Variants in CNTNAP3 observed in about 807,000 individuals in gnomAD.
The protein encoded by CNTNAP3 is contactin-associated protein-like 3.
A neutral mutation model predicts 92.1 loss-of-function variants in CNTNAP3; 36 were observed. The ratio of observed to expected loss-of-function variants is 0.39; its 90% CI spans 0.30 to 0.52. The LOEUF is 0.52. CNTNAP3 is among the 20% of genes least tolerant of loss of function. The probability of loss-of-function intolerance (pLI) is 0.76; values close to 1 mark genes in which losing one functional copy is unlikely to be tolerated. For synonymous variants in CNTNAP3, 232 were observed against 422.3 expected (o/e 0.55, Z 5.53); for missense variants, 534 against 1,069.6 (o/e 0.50, Z 6.98).
At chr9:39,089,029 A>C (rs1209973326) in intron 18 of CNTNAP3, among the ~76,000 whole-genome samples, 1 of 152,220 alleles carries the variant, frequency 6.6e-6, no homozygotes, top group African/African-American at 2.4e-5. Flanking sequence ...TTATTCAGAT[A>C]TAATCCATAT....
rs1243725170 is a variant in CNTNAP3 at position 39,065,524 on chromosome 9, C to T, written c.*8366G>A. ...TGTTGGGTCATAGGTTTCATGTATGCTTAATTATATAAAACAATGTTAAAC... is the reference window on the plus strand; with the variant it reads ...TGTTGGGTCATAGGTTTCATGTATGTTTAATTATATAAAACAATGTTAAAC... On this transcript the variant is annotated 3_prime_UTR_variant, in exon 24 of 24. Coordinates refer to ENST00000297668, the MANE Select transcript of CNTNAP3 (RefSeq NM_033655.5). Among the ~76,000 whole-genome samples, 1 of 151,260 alleles carries T rather than the reference C, an allele frequency of 6.6e-6. No individual in the cohort carries two copies. Among genetic ancestry groups the T allele is most frequent in the African/African-American group, 2.4e-5 (1 of 41,002 alleles).
In CNTNAP3 at chr9:39,071,218, A is replaced by G. The variant is rs1219536219; in HGVS notation, c.*2672T>C. On this transcript the variant is annotated 3_prime_UTR_variant, in exon 24 of 24. Coordinates refer to ENST00000297668, the MANE Select transcript of CNTNAP3 (RefSeq NM_033655.5). ...TGTTAAATTTACTGTGACTTTTCACAGTAATAGAGACAGAGTAATAGAGAC... is the reference window on the plus strand; with the variant it reads ...TGTTAAATTTACTGTGACTTTTCACGGTAATAGAGACAGAGTAATAGAGAC... Among the ~76,000 whole-genome samples, 31 of 127,952 alleles carry G rather than the reference A, an allele frequency of 2.4e-4. No individual in the cohort carries two copies. The highest frequency in any genetic ancestry group is 1.3e-3 in the African/African-American group (30 of 22,484). 83.9% of individuals were successfully genotyped at this position (127,952 alleles called of 152,430 possible). A position where few individuals can be genotyped will look rare whatever the true frequency, so the allele number is the denominator to read the frequency against.
chr9:39,068,671 T>A lies in CNTNAP3; in HGVS notation c.*5219A>T, dbSNP rs1013349155. 2.0e-5 allele frequency among the ~76,000 whole-genome samples: 3 copies of A among 152,148 alleles called. No homozygotes were observed. The highest frequency in any genetic ancestry group is 2.9e-5 in the Non-Finnish European group (2 of 67,980). ...CAGCTCTTTCCTCGCCGGTACTCTA[T>A]CCTGCAATCTCTAGCCACCTTCGTG... On this transcript the variant is annotated 3_prime_UTR_variant, in exon 24 of 24. Coordinates refer to ENST00000297668, the MANE Select transcript of CNTNAP3 (RefSeq NM_033655.5).
chr9:39,143,304 C>T (rs891579062), intron 11 of CNTNAP3, among the ~76,000 whole-genome samples: 5 of 151,994 alleles, frequency 3.3e-5, no homozygotes, highest in Non-Finnish European at 7.4e-5. Context: ...AGGTTGGTTA[C>T]AAGAGACTCG....
In CNTNAP3 at chr9:39,149,989, G is replaced by A. The variant is rs777361811; in HGVS notation, c.1478-12C>T. 5.0e-6 allele frequency: 8 copies of A among 1,611,002 alleles called. No individual in the cohort carries two copies. In the East Asian group the frequency reaches 1.1e-4, roughly 22 times the overall value. On this transcript the variant is annotated splice_polypyrimidine_tract_variant and intron_variant, in intron 9 of 23. Transcript: ENST00000297668. ...GTTGTCCAGGCAGCCTAAATATGAA[G>A]ACAAAAATAGGACAAAAGCAACAAC...
Position 39,113,705 on chromosome 9 carries a change from C to A in CNTNAP3, c.2237+4398G>T, listed in dbSNP as rs183189706. ...TTACAGTTAAGAATATAGTTTCCATCATGACAATTCCATAAAATTTGTTAA... is the reference window on the plus strand; with the variant it reads ...TTACAGTTAAGAATATAGTTTCCATAATGACAATTCCATAAAATTTGTTAA... On this transcript the variant is annotated intron_variant, in intron 14 of 23. Transcript: ENST00000297668. 7.2e-5 allele frequency among the ~76,000 whole-genome samples: 11 copies of A among 152,082 alleles called. No homozygotes were observed. The East Asian group carries it at 1.9e-3, about 27-fold the overall frequency.
chr9:39,065,325 G>T lies in CNTNAP3; in HGVS notation c.*8565C>A, dbSNP rs1370445553. 6.6e-6 allele frequency among the ~76,000 whole-genome samples: 1 copy of T among 152,292 alleles called. No homozygotes were observed. The highest frequency in any genetic ancestry group is 1.5e-5 in the Non-Finnish European group (1 of 68,054). On this transcript the variant is annotated 3_prime_UTR_variant, in exon 24 of 24. Transcript: ENST00000297668. ...TACCAGTAGTTTTGTCCATTTTATA[G>T]CTGAAGAGTATTTCATTATTAATAC... is the stretch of plus-strand genomic sequence containing the variant.
chr9:39,100,533 T>A lies in CNTNAP3; in HGVS notation c.2756-383A>T, dbSNP rs1826430632. 2.0e-5 allele frequency among the ~76,000 whole-genome samples: 3 copies of A among 151,944 alleles called. No individual in the cohort carries two copies. The South Asian group carries it at 6.2e-4, about 32-fold the overall frequency. ...TTCATCAAACATTATTTTAATTTCTTTATGAATAAGAATGTGCATTATAAT... is the reference window on the plus strand; with the variant it reads ...TTCATCAAACATTATTTTAATTTCTATATGAATAAGAATGTGCATTATAAT... On this transcript the variant is annotated intron_variant, in intron 17 of 23. Transcript: ENST00000297668.
rs1825495169 is a variant in CNTNAP3 at position 39,065,702 on chromosome 9, A to G, written c.*8188T>C. Reference sequence around the variant, plus strand: ...ATAACTCACTGTGGTTTTAATTTGCATTTCCTTAATGACAAAACGATATTG... The same window carrying G: ...ATAACTCACTGTGGTTTTAATTTGCGTTTCCTTAATGACAAAACGATATTG... On this transcript the variant is annotated 3_prime_UTR_variant, in exon 24 of 24. Coordinates refer to ENST00000297668, the MANE Select transcript of CNTNAP3 (RefSeq NM_033655.5). 6.6e-6 allele frequency among the ~76,000 whole-genome samples: 1 copy of G among 152,216 alleles called. No individual in the cohort carries two copies. Among genetic ancestry groups the G allele is most frequent in the South Asian group, 2.1e-4 (1 of 4,828 alleles).
chr9:39,122,705 T>C (rs1309282921), intron 13 of CNTNAP3, among the ~76,000 whole-genome samples: 2 of 152,070 alleles, frequency 1.3e-5, no homozygotes, highest in African/African-American at 2.4e-5. Context: ...CAACAGAAAA[T>C]TGCAAGGTAT....
At position 39,118,367 on chromosome 9, in the gene CNTNAP3, G is replaced by C. The variant is rs1485271430; in HGVS notation, c.2081-108C>G. 6 of 1,478,452 alleles carry C rather than the reference G, an allele frequency of 4.1e-6. No individual in the cohort carries two copies. In the East Asian group the frequency reaches 9.2e-5, roughly 23 times the overall value. 91.6% of individuals were successfully genotyped at this position (1,478,452 alleles called of 1,614,324 possible). On this transcript the variant is annotated intron_variant, in intron 13 of 23. Transcript: ENST00000297668. ...GTAAAGTGTATGTGTGAGAGACAGA[G>C]AGAGAGAAAATGAAACTATACTTAA...
chr9:39,103,833 T>C lies in CNTNAP3; in HGVS notation c.2447A>G (p.Asp816Gly), dbSNP rs1826528490. 6.2e-7 allele frequency: 1 copy of C among 1,611,092 alleles called. No homozygotes were observed. The highest frequency in any genetic ancestry group is 8.5e-7 in the Non-Finnish European group (1 of 1,179,624). ...TGTGGTCTTAAAAAAGAAGCACACG[T>C]CAGCAGTGAGTTCTCCGTGGAAAGC... ...FPAFHGELTA[D>G]VCFFFKTTVS... The change falls in exon 16 of 24, where the codon GAC (aspartate) becomes GGC (glycine). Residue 816 changes from aspartate (D) to glycine (G), a missense_variant. Physicochemically the swap from Asp to Gly is moderately conservative, Grantham distance 94 (BLOSUM62 -1). Coordinates refer to ENST00000297668, the MANE Select transcript of CNTNAP3 (RefSeq NM_033655.5).
chr9:39,104,543 A>G (rs1826554196), intron 15 of CNTNAP3, among the ~76,000 whole-genome samples: 1 of 150,002 alleles, frequency 6.7e-6, no homozygotes, highest in African/African-American at 2.4e-5. Flanking sequence ...CTTTCATGGC[A>G]AGAACAATCA....
rs1448265842 is a variant in CNTNAP3, at chr9:39,179,288, C to CACAT, written c.539-929_539-928insATGT. On this transcript the variant is annotated intron_variant, in intron 4 of 23. Transcript: ENST00000297668. ...TTCCTTAAAACTCTCTCTCTCTCTA[C>CACAT]ACACACACACACACACACACACACA... 5.0e-3 allele frequency among the ~76,000 whole-genome samples: 358 copies of CACAT among 72,062 alleles called. 8 individuals are homozygous for CACAT. Among genetic ancestry groups the CACAT allele is most frequent in the South Asian group, 0.032 (60 of 1,854 alleles). The allele number at this position is 72,062 out of a possible 152,430, so 47.3% of individuals were successfully genotyped here.
intron 14 of CNTNAP3, among the ~76,000 whole-genome samples, chr9:39,111,562 G>A (rs1188563767): frequency 1.3e-5 from 2 of 152,094 alleles, no homozygotes; most frequent in Non-Finnish European, 2.9e-5. Flanking sequence ...TGGTAGACAA[G>A]CTAGAAATAT....
intron 9 of CNTNAP3, chr9:39,154,891 A>T (rs959759684): frequency 5.0e-5 from 11 of 220,078 alleles, no homozygotes; most frequent in East Asian, 4.7e-4. Flanking sequence ...CTAGCAGATC[A>T]GGCGGCAAGA....
intron 14 of CNTNAP3, among the ~76,000 whole-genome samples, chr9:39,113,328 T>C (rs1227453863): frequency 1.3e-5 from 2 of 152,232 alleles, no homozygotes; most frequent in Non-Finnish European, 2.9e-5. Context: ...TGTAATTTTG[T>C]AATTTTTTCC....
chr9:39,128,257 C>T (rs1394703257), intron 13 of CNTNAP3, among the ~76,000 whole-genome samples: 4 of 151,618 alleles, frequency 2.6e-5, no homozygotes, highest in African/African-American at 9.7e-5. Flanking sequence ...GCAGTATTGT[C>T]CTGATACTGA....
intron 1 of CNTNAP3, among the ~76,000 whole-genome samples, chr9:39,267,338 G>C (rs2118340921): frequency 7.2e-6 from 1 of 139,028 alleles, no homozygotes; most frequent in South Asian, 2.5e-4. Context: ...CAAGATGTCT[G>C]GGTACATCAC....
Sources: gnomAD v4.1 joint callset for allele counts (sites outside exome capture counted in the v4.1 genomes callset) on GRCh38, gnomAD v4.1.1 for gene constraint, MANE v1.5 for transcripts, NCBI Gene and HGNC (gene_info 2026-07-23, HGNC 2026-07-21) for gene names.